Variants in C6 observed in about 807,000 individuals in gnomAD.
C6 encodes complement C6, also known as complement component C6.
Under a neutral mutation model 112.9 loss-of-function variants are expected in C6, and 101 were observed. The observed-to-expected ratio is 0.89, with a 90% CI of 0.76 to 1.06. The LOEUF is 1.06. Ranked by LOEUF, C6 falls within the 50% of genes least tolerant of loss-of-function variation. The pLI, the probability that C6 is intolerant of heterozygous loss-of-function variation, is 0.00. For synonymous variants in C6, 431 were observed against 384.1 expected (o/e 1.12, Z -1.43); for missense variants, 1,202 against 1,104.6 (o/e 1.09, Z -1.25).
At chr5:41,189,178 G>T (rs1402812018) in intron 5 of C6, among the ~76,000 whole-genome samples, 4 of 151,978 alleles carry the variant, frequency 2.6e-5, no homozygotes, top group African/African-American at 9.7e-5. Flanking sequence ...GTAACTGGGG[G>T]AAATGAAAAA....
At chr5:41,213,295 C>T in intron 1 of C6, 81 bp downstream of exon 1, 1 of 477,138 alleles carries the variant, frequency 2.1e-6, no homozygotes, top group Non-Finnish European at 2.7e-6. Flanking sequence ...TATTTTTATG[C>T]ATGAAATTGT....
At chr5:41,211,025 G>A (rs909926097) in intron 1 of C6, among the ~76,000 whole-genome samples, 16 of 152,202 alleles carry the variant, frequency 1.1e-4, no homozygotes, top group African/African-American at 3.9e-4. Context: ...AAGAAAATGT[G>A]GCACATATAC....
intron 7 of C6, among the ~76,000 whole-genome samples, chr5:41,179,095 C>T (rs1749107162): frequency 2.0e-5 from 3 of 152,142 alleles, no homozygotes; most frequent in Admixed American, 2.0e-4. Context: ...CTCAGGCAAT[C>T]TGCCCACCTT....
In C6 at chr5:41,250,104, G is replaced by A. The variant is rs551329032; in HGVS notation, c.-21+11090C>T. 1.1e-4 allele frequency among the ~76,000 whole-genome samples: 17 copies of A among 152,318 alleles called. No homozygotes were observed. The East Asian group carries it at 2.9e-3, about 26-fold the overall frequency. On this transcript the variant is annotated intron_variant, in intron 1 of 17. Transcript: ENST00000263413. ...TTTAACTAGGGACAAATTATCCATA[G>A]TTAATGGTATCGGGGGAATTTAATA...
At chr5:41,226,113 A>C (rs1739480213) in intron 1 of C6, among the ~76,000 whole-genome samples, 3 of 152,178 alleles carry the variant, frequency 2.0e-5, no homozygotes, top group African/African-American at 7.2e-5. Context: ...GGATCTAATT[A>C]AACTAAAGAG....
At chr5:41,251,390 T>C (rs1263957345) in intron 1 of C6, among the ~76,000 whole-genome samples, 1 of 152,176 alleles carries the variant, frequency 6.6e-6, no homozygotes, top group Admixed American at 6.5e-5. Context: ...ATGCAATAGG[T>C]TGGATCACTG....
At chr5:41,246,560 C>A (rs1237508789) in intron 1 of C6, among the ~76,000 whole-genome samples, 1 of 152,196 alleles carries the variant, frequency 6.6e-6, no homozygotes, top group East Asian at 1.9e-4. Context: ...AGCGTGACAG[C>A]ACAGTCATAG....
At chr5:41,240,020 A>G (rs1740597928) in intron 1 of C6, among the ~76,000 whole-genome samples, 1 of 151,952 alleles carries the variant, frequency 6.6e-6, no homozygotes, top group South Asian at 2.1e-4. Flanking sequence ...TTTTCTCTTG[A>G]TGTTTTTAGA....
intron 1 of C6, among the ~76,000 whole-genome samples, chr5:41,224,975 C>T (rs775934438): frequency 7.2e-5 from 11 of 152,084 alleles, no homozygotes; most frequent in Non-Finnish European, 1.2e-4. Flanking sequence ...TTTGCGTATC[C>T]TTGATGGCTA....
At chr5:41,249,049 A>G (rs190871600) in intron 1 of C6, among the ~76,000 whole-genome samples, 28 of 152,356 alleles carry the variant, frequency 1.8e-4, no homozygotes, top group African/African-American at 6.7e-4. Flanking sequence ...AGTTTAATGC[A>G]GAAATAGAAA....
chr5:41,158,917 A>T (rs1747195328), intron 12 of C6, 132 bp from the exon 13 acceptor site: 1 of 1,067,688 alleles, frequency 9.4e-7, no homozygotes, highest in East Asian at 2.4e-5. Flanking sequence ...TTACACACAG[A>T]AAAAGGCACG....
intron 17 of C6, among the ~76,000 whole-genome samples, chr5:41,146,273 T>C (rs944144007): frequency 1.5e-5 from 2 of 134,754 alleles, no homozygotes; most frequent in African/African-American, 5.2e-5. Context: ...GTTGTAACTT[T>C]TGAAAGGTGA....
intron 9 of C6, among the ~76,000 whole-genome samples, chr5:41,163,741 A>T (rs1285783784): frequency 6.6e-6 from 1 of 152,226 alleles, no homozygotes; most frequent in African/African-American, 2.4e-5. Context: ...TTTTTGAATA[A>T]TACATTTCTA....
chr5:41,227,217 G>T (rs761356963), intron 1 of C6, among the ~76,000 whole-genome samples: 2 of 152,034 alleles, frequency 1.3e-5, no homozygotes, highest in Non-Finnish European at 2.9e-5. Flanking sequence ...GTGATGTTGG[G>T]CAGTTTTTCA....
intron 4 of C6, among the ~76,000 whole-genome samples, chr5:41,196,680 A>G (rs73753127): frequency 0.024 from 3,691 of 151,394 alleles, 163 homozygotes; most frequent in African/African-American, 0.084. Flanking sequence ...ACTATATATA[A>G]TTACTGTATA....
At chr5:41,244,715 AT>A (rs10710295) in intron 1 of C6, among the ~76,000 whole-genome samples, 4,745 of 150,690 alleles carry the variant, frequency 0.031, 242 homozygotes, top group African/African-American at 0.11. Flanking sequence ...AGTCAAACAC[AT>A]TTTTTTTTTC....
At chr5:41,188,823 A>T (rs865933118) in intron 5 of C6, among the ~76,000 whole-genome samples, 1 of 152,076 alleles carries the variant, frequency 6.6e-6, no homozygotes, top group Non-Finnish European at 1.5e-5. Context: ...CCAACAAAAA[A>T]GTGAAAATAC....
At chr5:41,207,707 G>A (rs978643854) in intron 1 of C6, among the ~76,000 whole-genome samples, 2 of 152,148 alleles carry the variant, frequency 1.3e-5, no homozygotes, top group African/African-American at 4.8e-5. Context: ...ACCCAATATA[G>A]GAGCACTCAG....
intron 1 of C6, among the ~76,000 whole-genome samples, chr5:41,234,364 GTT>G (rs70988840): frequency 1.6e-5 from 2 of 123,002 alleles, no homozygotes; most frequent in African/African-American, 2.9e-5. Context: ...TTTGTTTTTT[GTT>G]TTTTTTTTTT....
Sources: allele counts gnomAD v4.1 joint callset (sites outside exome capture counted in the v4.1 genomes callset), GRCh38; gene constraint gnomAD v4.1.1; transcripts MANE v1.5; gene names NCBI Gene and HGNC (gene_info 2026-07-23, HGNC 2026-07-21).